STIM2: variants seen among roughly 807,000 people sequenced by gnomAD.
STIM2 encodes the protein stromal interaction molecule 2.
STIM2 carries 31 observed loss-of-function variants against 85.8 expected under a neutral mutation model. The ratio of observed to expected loss-of-function variants is 0.36; its 90% CI spans 0.27 to 0.49. The LOEUF (loss-of-function observed/expected upper bound fraction) is 0.49. Ranked by LOEUF, STIM2 falls within the 20% of genes least tolerant of loss-of-function variation. STIM2 has a pLI of 0.98. For synonymous variants in STIM2, 356 were observed against 331.1 expected (o/e 1.08, Z -0.82); for missense variants, 841 against 927.6 (o/e 0.91, Z 1.21).
chr4:26,906,458 T>G (rs1421974676), intron 1 of STIM2, among the ~76,000 whole-genome samples: 2 of 149,068 alleles, frequency 1.3e-5, no homozygotes, highest in Non-Finnish European at 3.0e-5. Context: ...TTTTTTTTTT[T>G]GAAAAGCTAT....
At chr4:26,977,545 G>A (rs1727244001) in intron 3 of STIM2, among the ~76,000 whole-genome samples, 1 of 152,142 alleles carries the variant, frequency 6.6e-6, no homozygotes, top group South Asian at 2.1e-4. Context: ...AGAGGTGATG[G>A]TAATCTGGTG....
In STIM2 at chr4:27,002,937, G is replaced by A. The variant is rs746314754; in HGVS notation, c.814G>A (p.Ala272Thr). 23 of 1,566,932 alleles carry A rather than the reference G, an allele frequency of 1.5e-5. No individual in the cohort carries two copies. The East Asian group carries it at 4.0e-4, about 27-fold the overall frequency. Reference sequence around the variant, plus strand: ...TTATTGTTCTATAAGGCTTGAAAAGGCACAGGAAGAAAACAGAAATGTTGC... The same window carrying A: ...TTATTGTTCTATAAGGCTTGAAAAGACACAGGAAGAAAACAGAAATGTTGC... Residue 272 changes from alanine (A) to threonine (T), a missense_variant, in exon 7 of 12, where the codon GCA becomes ACA. By Grantham distance (58) the Ala-to-Thr change is moderately conservative. Transcript: ENST00000467087.
At chr4:27,013,867 A>G (rs1728644498) in intron 10 of STIM2, among the ~76,000 whole-genome samples, 1 of 152,008 alleles carries the variant, frequency 6.6e-6, no homozygotes, top group Non-Finnish European at 1.5e-5. Flanking sequence ...TTGCCTATGG[A>G]TTGACCTTGA....
At chr4:26,989,776 A>G (rs891540303) in intron 3 of STIM2, among the ~76,000 whole-genome samples, 10 of 152,198 alleles carry the variant, frequency 6.6e-5, no homozygotes, top group African/African-American at 2.4e-4. Context: ...TACAGGATAC[A>G]AAATCAACCT....
intron 1 of STIM2, among the ~76,000 whole-genome samples, chr4:26,893,237 C>T (rs1723562243): frequency 6.6e-6 from 1 of 152,202 alleles, no homozygotes; most frequent in African/African-American, 2.4e-5. Context: ...ACTTCATCAA[C>T]ACCCCTAGAA....
intron 5 of STIM2, among the ~76,000 whole-genome samples, chr4:27,001,293 G>T (rs1728143721): frequency 6.6e-6 from 1 of 152,160 alleles, no homozygotes; most frequent in Non-Finnish European, 1.5e-5. Context: ...GTGAAAATTA[G>T]TGTGTACTGA....
chr4:26,883,860 T>C (rs927570763), intron 1 of STIM2, among the ~76,000 whole-genome samples: 1 of 152,210 alleles, frequency 6.6e-6, no homozygotes, highest in Non-Finnish European at 1.5e-5. Context: ...AGGTTATGTA[T>C]TTTGGTATGA....
At position 26,898,887 on chromosome 4, in the gene STIM2, T is replaced by G. The variant is rs148456307; in HGVS notation, c.152-20617T>G. Among the ~76,000 whole-genome samples the G allele has an allele frequency of 4.0e-3, 605 of 152,258 alleles. 6 individuals carry two copies. Among genetic ancestry groups the G allele is most frequent in the African/African-American group, 0.014 (574 of 41,566 alleles). On this transcript the variant is annotated intron_variant, in intron 1 of 11. Transcript: ENST00000467087. Reference sequence around the variant, plus strand: ...TAATTTTTACACATTTAAAAAAATTTAGCAATCTTTCTAAATTCTTGTTAA... The same window carrying G: ...TAATTTTTACACATTTAAAAAAATTGAGCAATCTTTCTAAATTCTTGTTAA...
chr4:26,867,663 A>C (rs1268406225), intron 1 of STIM2, among the ~76,000 whole-genome samples: 5 of 152,222 alleles, frequency 3.3e-5, no homozygotes, highest in Non-Finnish European at 7.3e-5. Context: ...TGTTGTGTGA[A>C]TTTCAAGCTT....
At chr4:26,861,469 G>A in intron 1 of STIM2, 100 bp downstream of exon 1, 1 of 1,233,188 alleles carries the variant, frequency 8.1e-7, no homozygotes, top group South Asian at 3.3e-5. Context: ...GCTATTCCGC[G>A]GCTCCGGCCA....
At chr4:26,916,392 G>T (rs1179807139) in intron 1 of STIM2, among the ~76,000 whole-genome samples, 1 of 152,124 alleles carries the variant, frequency 6.6e-6, no homozygotes, top group African/African-American at 2.4e-5. Context: ...TTCCTTGGAG[G>T]CATGGTCTGT....
intron 3 of STIM2, among the ~76,000 whole-genome samples, chr4:26,962,105 A>G (rs902715525): frequency 1.3e-5 from 2 of 152,162 alleles, no homozygotes; most frequent in Non-Finnish European, 2.9e-5. Flanking sequence ...GCGGCATGCT[A>G]TAGAAAGTAT....
chr4:26,871,198 A>G (rs1157502293), intron 1 of STIM2, among the ~76,000 whole-genome samples: 1 of 152,176 alleles, frequency 6.6e-6, no homozygotes, highest in African/African-American at 2.4e-5. Flanking sequence ...TAATCCTTAG[A>G]GAATCCCTGT....
chr4:26,951,689 GA>G (rs1459048120), intron 2 of STIM2, among the ~76,000 whole-genome samples: 1 of 152,048 alleles, frequency 6.6e-6, no homozygotes, highest in Non-Finnish European at 1.5e-5. Flanking sequence ...CACAGAAGGA[GA>G]TTTTTTTCAT....
intron 1 of STIM2, among the ~76,000 whole-genome samples, chr4:26,889,830 T>C (rs994565730): frequency 2.0e-5 from 3 of 152,200 alleles, no homozygotes; most frequent in Non-Finnish European, 2.9e-5. Flanking sequence ...AAAATCCTGC[T>C]CTGCTGAGGT....
At chr4:26,937,622 A>G (rs557099111) in intron 2 of STIM2, among the ~76,000 whole-genome samples, 6 of 152,140 alleles carry the variant, frequency 3.9e-5, no homozygotes, top group Non-Finnish European at 7.4e-5. Context: ...ATGGCCATAT[A>G]ATTTATTATC....
At chr4:26,931,118 A>G (rs1174118560) in intron 2 of STIM2, among the ~76,000 whole-genome samples, 1 of 152,160 alleles carries the variant, frequency 6.6e-6, no homozygotes, top group Non-Finnish European at 1.5e-5. Context: ...GTCTCTCTGT[A>G]GGCAGTTTAT....
intron 3 of STIM2, among the ~76,000 whole-genome samples, chr4:26,969,622 C>T (rs1726857683): frequency 6.6e-6 from 1 of 152,148 alleles, no homozygotes; most frequent in Non-Finnish European, 1.5e-5. Flanking sequence ...CTAAATTTCT[C>T]TCATCTGTTT....
intron 1 of STIM2, among the ~76,000 whole-genome samples, chr4:26,896,609 T>C (rs1465131567): frequency 6.6e-6 from 1 of 152,230 alleles, no homozygotes; most frequent in Non-Finnish European, 1.5e-5. Context: ...CATTGTAATA[T>C]TGAATCTTCC....
Sources: gnomAD v4.1 joint callset for allele counts (sites outside exome capture counted in the v4.1 genomes callset) on GRCh38, gnomAD v4.1.1 for gene constraint, MANE v1.5 for transcripts, NCBI Gene and HGNC (gene_info 2026-07-23, HGNC 2026-07-21) for gene names.